GAS2: variants seen among roughly 807,000 people sequenced by gnomAD.
GAS2 encodes growth arrest-specific protein 2.
Under a neutral mutation model 37.5 loss-of-function variants are expected in GAS2, and 20 were observed. That is an observed-to-expected ratio of 0.53 (90% confidence interval 0.37 to 0.77). GAS2 has a LOEUF of 0.77. Ranked by LOEUF, GAS2 falls within the 30% of genes least tolerant of loss-of-function variation. The pLI is 0.00. For missense variants in GAS2, 336 were observed against 373.4 expected (o/e 0.90, Z 0.82); for synonymous variants, 144 against 132.2 (o/e 1.09, Z -0.61).
rs2133817162 is a variant in GAS2 at position 22,640,777 on chromosome 11, T to C, written c.-21+14964T>C. Among the ~76,000 whole-genome samples, 2 of 152,290 alleles carry C rather than the reference T, an allele frequency of 1.3e-5. 1 individual carries two copies. Among genetic ancestry groups the C allele is most frequent in the South Asian group, 4.1e-4 (2 of 4,830 alleles). On this transcript the variant is annotated intron_variant, in intron 1 of 5. Transcript: ENST00000528582. Reference sequence around the variant, plus strand: ...AATTTTTTCACCACGTATGTATATATGCCTTTTAAATGCTCTTTGGTTGAC... The same window carrying C: ...AATTTTTTCACCACGTATGTATATACGCCTTTTAAATGCTCTTTGGTTGAC...
chr11:22,665,428 TATC>T (rs1333238680), upstream of GAS2, among the ~76,000 whole-genome samples: 1 of 152,204 alleles, frequency 6.6e-6, no homozygotes, highest in Non-Finnish European at 1.5e-5. Flanking sequence ...TAAGAAATTT[TATC>T]ATTCAGATTC....
intron 7 of GAS2, among the ~76,000 whole-genome samples, chr11:22,777,684 A>T (rs1176746746): frequency 6.6e-6 from 1 of 152,154 alleles, no homozygotes; most frequent in Non-Finnish European, 1.5e-5. Flanking sequence ...GTTTGATTGG[A>T]GATTATGTAG....
chr11:22,698,450 A>G lies in GAS2; in HGVS notation c.267+12661A>G, dbSNP rs936162325. Among the ~76,000 whole-genome samples the G allele has an allele frequency of 4.6e-5, 7 of 151,964 alleles. No individual in the cohort carries two copies. In the East Asian group the frequency reaches 5.8e-4, roughly 13 times the overall value. On this transcript the variant is annotated intron_variant, in intron 3 of 7. Transcript: ENST00000454584. ...AATTCTACCAGAGGTACAAGGAGGA[A>G]CTGGTACCTTTCCTTCTGAAACTAT...
intron 7 of GAS2, among the ~76,000 whole-genome samples, chr11:22,766,124 G>A (rs908755801): frequency 2.0e-5 from 3 of 152,094 alleles, no homozygotes; most frequent in Non-Finnish European, 4.4e-5. Context: ...TCAACATTGC[G>A]GATTACATTT....
At chr11:22,740,167 G>C (rs753284636) in intron 5 of GAS2, among the ~76,000 whole-genome samples, 2 of 152,124 alleles carry the variant, frequency 1.3e-5, no homozygotes, top group Non-Finnish European at 2.9e-5. Flanking sequence ...CTTGGTTAAT[G>C]AAAGTGAATT....
At chr11:22,808,498 C>T (rs748085267) in intron 7 of GAS2, among the ~76,000 whole-genome samples, 4 of 152,170 alleles carry the variant, frequency 2.6e-5, no homozygotes, top group Admixed American at 6.5e-5. Context: ...TTGCAAAGTA[C>T]TATGGATTCA....
At position 22,727,129 on chromosome 11, in the gene GAS2, T is replaced by A. The variant is rs574707121; in HGVS notation, c.409+696T>A. On this transcript the variant is annotated intron_variant, in intron 4 of 7. Coordinates refer to ENST00000454584, the MANE Select transcript of GAS2 (RefSeq NM_001143830.3). ...TACATTGGAGCATTCAGTGTTTCAA[T>A]ACCACTCCATACACTAGGATAACAT... is the stretch of plus-strand genomic sequence containing the variant. Among the ~76,000 whole-genome samples the A allele has an allele frequency of 3.9e-4, 60 of 152,178 alleles. 1 individual carries two copies. The South Asian group carries it at 0.012, about 32-fold the overall frequency.
chr11:22,631,052 C>A (rs192198170), intron 1 of GAS2, among the ~76,000 whole-genome samples: 16 of 152,238 alleles, frequency 1.1e-4, no homozygotes, highest in Non-Finnish European at 1.8e-4. Flanking sequence ...TTGTAGAGAT[C>A]TTTCCTCTTC....
intron 7 of GAS2, among the ~76,000 whole-genome samples, chr11:22,788,233 C>G (rs979509608): frequency 6.6e-6 from 1 of 152,104 alleles, no homozygotes; most frequent in African/African-American, 2.4e-5. Flanking sequence ...ACATGAGAAA[C>G]AAGAAATTAT....
chr11:22,741,446 TTATAA>T (rs72198399), intron 5 of GAS2, among the ~76,000 whole-genome samples: 2,145 of 152,082 alleles, frequency 0.014, 33 homozygotes, highest in African/African-American at 0.038. Flanking sequence ...AAGATGATCC[TTATAA>T]TAGAAGTAAA....
chr11:22,683,444 T>G (rs1849792841), intron 2 of GAS2, among the ~76,000 whole-genome samples: 1 of 152,102 alleles, frequency 6.6e-6, no homozygotes, highest in Non-Finnish European at 1.5e-5. Context: ...TTTTGTATTT[T>G]TAGTAGAGGC....
At chr11:22,677,509 G>A (rs1849483307) in intron 2 of GAS2, among the ~76,000 whole-genome samples, 1 of 152,204 alleles carries the variant, frequency 6.6e-6, no homozygotes, top group African/African-American at 2.4e-5. Context: ...AACAGAGGAA[G>A]AGTATGATTA....
chr11:22,702,389 A>C (rs779076558), intron 3 of GAS2: 8 of 152,184 alleles, frequency 5.3e-5, no homozygotes, highest in Non-Finnish European at 8.8e-5. Context: ...CTGTCTGTAG[A>C]TGGAATTGCA....
At chr11:22,802,954 C>T (rs1856732170) in intron 7 of GAS2, among the ~76,000 whole-genome samples, 1 of 152,102 alleles carries the variant, frequency 6.6e-6, no homozygotes, top group South Asian at 2.1e-4. Context: ...AAGCAACAGG[C>T]TATCTTATGT....
Position 22,685,683 on chromosome 11 carries a change from C to T in GAS2, c.161C>T (p.Ala54Val). The change falls in exon 3 of 8, where the codon GCA (alanine) becomes GTA (valine). Residue 54 changes from alanine (A) to valine (V), a missense_variant. Transcript: ENST00000454584. ...GTTATTTCAGGGAAGGAGATTACAG[C>T]AGAAACTTTTATGGAGAAGTTGGAC... Reference protein sequence around the residue: ...LTNLLGKEITAETFMEKLDNG... With the variant: ...LTNLLGKEITVETFMEKLDNG... 1 of 1,613,156 alleles carries T rather than the reference C, an allele frequency of 6.2e-7. No homozygotes were observed. Among genetic ancestry groups the T allele is most frequent in the Non-Finnish European group, 8.5e-7 (1 of 1,179,626 alleles).
At chr11:22,784,216 T>C (rs1486863952) in intron 7 of GAS2, among the ~76,000 whole-genome samples, 4 of 152,180 alleles carry the variant, frequency 2.6e-5, no homozygotes. Context: ...AATCTGTAAA[T>C]GGGAAGCAGT....
chr11:22,736,500 G>A (rs1392598157), intron 4 of GAS2, among the ~76,000 whole-genome samples: 2 of 151,962 alleles, frequency 1.3e-5, no homozygotes, highest in Non-Finnish European at 2.9e-5. Flanking sequence ...ACATTTGGAT[G>A]TCTCCTTAAA....
intron 2 of GAS2, among the ~76,000 whole-genome samples, chr11:22,676,349 A>C (rs960197109): frequency 6.6e-6 from 1 of 152,082 alleles, no homozygotes; most frequent in African/African-American, 2.4e-5. Context: ...TTCACTAATG[A>C]TTGTCATATT....
intron 1 of GAS2, among the ~76,000 whole-genome samples, chr11:22,627,290 A>G (rs910971548): frequency 4.6e-5 from 7 of 152,226 alleles, no homozygotes. Flanking sequence ...AACACCTATT[A>G]TGATACATAG....
Sources: allele counts gnomAD v4.1 joint callset (sites outside exome capture counted in the v4.1 genomes callset), GRCh38; gene constraint gnomAD v4.1.1; transcripts MANE v1.5; gene names NCBI Gene and HGNC (gene_info 2026-07-23, HGNC 2026-07-21).